Variants in CNBD1 observed in about 807,000 individuals in gnomAD.
CNBD1 encodes the protein cyclic nucleotide-binding domain-containing protein 1.
A neutral mutation model predicts 54.4 loss-of-function variants in CNBD1; 71 were observed. The observed-to-expected ratio is 1.30, with a 90% CI of 1.08 to 1.59. The LOEUF is 1.59. CNBD1 is among the 40% of genes most tolerant of loss of function. The probability of loss-of-function intolerance (pLI) is 0.00; values close to 1 mark genes in which losing one functional copy is unlikely to be tolerated. For missense variants in CNBD1, 659 were observed against 518.0 expected (o/e 1.27, Z -2.64); for synonymous variants, 182 against 170.7 (o/e 1.07, Z -0.51).
chr8:87,360,524 G>T lies in CNBD1; in HGVS notation c.1303+6738G>T, dbSNP rs1049336313. Among the ~76,000 whole-genome samples the T allele has an allele frequency of 2.6e-5, 4 of 151,820 alleles. No individual in the cohort carries two copies. The East Asian group carries it at 7.7e-4, about 29-fold the overall frequency. ...ATTTTTATAAAGTCAATATATCTTT[G>T]TCCAGATGCAGAGCTTATTACTCAA... On this transcript the variant is annotated intron_variant, in intron 10 of 10. Transcript: ENST00000518476.
chr8:87,254,879 G>A (rs149018653), intron 6 of CNBD1, among the ~76,000 whole-genome samples: 430 of 152,222 alleles, frequency 2.8e-3, no homozygotes, highest in African/African-American at 9.6e-3. Context: ...GAATGTCATT[G>A]AAATATTTAG....
intron 4 of CNBD1, among the ~76,000 whole-genome samples, chr8:87,183,832 C>T (rs1480351722): frequency 6.6e-6 from 1 of 152,202 alleles, no homozygotes; most frequent in Non-Finnish European, 1.5e-5. Flanking sequence ...GGGCTGTATG[C>T]TCTAACCCTG....
In CNBD1 at chr8:87,415,181, A is replaced by G. The variant is rs1032230415; in HGVS notation, c.214-13365A>G. On this transcript the variant is annotated intron_variant, in intron 2 of 7. Coordinates refer to the CNBD1 transcript ENST00000521593. ...CACCTGCTTTAGTGTATGTGGCATT[A>G]GTTTTCCCTGTAGTCGTTGTTCTCT... Among the ~76,000 whole-genome samples the G allele has an allele frequency of 2.0e-5, 3 of 152,102 alleles. 1 individual carries two copies. The South Asian group carries it at 6.2e-4, about 31-fold the overall frequency.
At chr8:87,347,852 C>A (rs1381333000) in intron 8 of CNBD1, among the ~76,000 whole-genome samples, 1 of 152,124 alleles carries the variant, frequency 6.6e-6, no homozygotes, top group East Asian at 1.9e-4. Context: ...TATTGCCCTT[C>A]TTCACCTTCC....
intron 8 of CNBD1, among the ~76,000 whole-genome samples, chr8:87,320,508 A>T (rs937544892): frequency 6.6e-6 from 1 of 152,006 alleles, no homozygotes; most frequent in Non-Finnish European, 1.5e-5. Flanking sequence ...TTTTGCCACG[A>T]GTTAAAATTA....
intron 5 of CNBD1, 21 bp downstream of exon 5, chr8:87,206,159 A>G (rs1157183596): frequency 2.7e-6 from 4 of 1,498,208 alleles, no homozygotes; most frequent in Non-Finnish European, 3.6e-6. Context: ...AATGTGGGAT[A>G]AATTTGGCGA....
At chr8:87,005,585 A>G (rs1390194151) in intron 4 of CNBD1, among the ~76,000 whole-genome samples, 1 of 151,918 alleles carries the variant, frequency 6.6e-6, no homozygotes, top group Admixed American at 6.6e-5. Context: ...ATTAAGAAAT[A>G]TATATATTTC....
In CNBD1 at chr8:86,939,729, G is replaced by A; in HGVS notation, c.406G>A (p.Glu136Lys). 6.3e-7 allele frequency: 1 copy of A among 1,575,598 alleles called. No individual in the cohort carries two copies. The highest frequency in any genetic ancestry group is 8.6e-7 in the Non-Finnish European group (1 of 1,158,368). The change falls in exon 4 of 11, where the codon GAA becomes AAA. Residue 136 changes from glutamate (E) to lysine (K), a missense_variant. Glu to Lys is a moderately conservative substitution (Grantham distance 56). Transcript: ENST00000518476. ...AAAAAGAGCCACAGAGAAATTTGAA[G>A]AATTCCTAGCTATCTTAAAGAAATT... ...RPKRATEKFE[E>K]FLAILKKLPI...
rs1407161167 is a variant in CNBD1, at chr8:87,404,776, C to G, written c.214-23770C>G. 3.3e-5 allele frequency among the ~76,000 whole-genome samples: 5 copies of G among 152,100 alleles called. No individual in the cohort carries two copies. The South Asian group carries it at 1.0e-3, about 31-fold the overall frequency. On this transcript the variant is annotated intron_variant, in intron 2 of 7. Transcript: ENST00000521593. ...TAGCAAATAACTATCATTTAATTTACTATCCAGATCTTCTGCTACTAGTCA... is the reference window on the plus strand; with the variant it reads ...TAGCAAATAACTATCATTTAATTTAGTATCCAGATCTTCTGCTACTAGTCA...
At chr8:87,297,614 AT>A (rs1485720796) in intron 8 of CNBD1, among the ~76,000 whole-genome samples, 2 of 152,184 alleles carry the variant, frequency 1.3e-5, no homozygotes, top group Admixed American at 1.3e-4. Flanking sequence ...AACCATGTCA[AT>A]AAAGGTTTGT....
At chr8:87,406,767 C>T (rs146242162) in intron 2 of CNBD1, among the ~76,000 whole-genome samples, 1 of 152,134 alleles carries the variant, frequency 6.6e-6, no homozygotes, top group South Asian at 2.1e-4. Flanking sequence ...GGAAAGCCAC[C>T]GTGCCCGGCC....
Position 87,322,343 on chromosome 8 carries a change from G to A in CNBD1, c.1043-29342G>A, listed in dbSNP as rs891046074. On this transcript the variant is annotated intron_variant, in intron 8 of 10. Transcript: ENST00000518476. ...CAGTAATGGGATGGCTGGGTCAAATGGTATTTCTAGTTCTAGATCCCTGAG... is the reference window on the plus strand; with the variant it reads ...CAGTAATGGGATGGCTGGGTCAAATAGTATTTCTAGTTCTAGATCCCTGAG... Among the ~76,000 whole-genome samples the A allele has an allele frequency of 2.5e-5, 3 of 119,464 alleles. 1 individual carries two copies. Among genetic ancestry groups the A allele is most frequent in the Non-Finnish European group, 5.6e-5 (3 of 54,030 alleles). 78.4% of individuals were successfully genotyped at this position (119,464 alleles called of 152,430 possible).
chr8:87,119,140 C>T (rs971764736), intron 4 of CNBD1, among the ~76,000 whole-genome samples: 34 of 151,776 alleles, frequency 2.2e-4, no homozygotes, highest in East Asian at 2.1e-3. Flanking sequence ...AAAATGACAG[C>T]GGTATTTTGA....
chr8:87,258,030 A>T (rs189922067), intron 6 of CNBD1, among the ~76,000 whole-genome samples: 136 of 152,276 alleles, frequency 8.9e-4, no homozygotes, highest in Admixed American at 2.7e-3. Flanking sequence ...TAACCTGAAG[A>T]TTAAACATTA....
chr8:86,898,077 C>CT (rs1185710449), intron 2 of CNBD1, among the ~76,000 whole-genome samples: 1 of 152,026 alleles, frequency 6.6e-6, no homozygotes, highest in Non-Finnish European at 1.5e-5. Flanking sequence ...GGGCAGGTCT[C>CT]TAAGTCATGT....
intron 8 of CNBD1, among the ~76,000 whole-genome samples, chr8:87,300,117 G>A (rs1236837390): frequency 6.6e-6 from 1 of 152,072 alleles, no homozygotes; most frequent in African/African-American, 2.4e-5. Flanking sequence ...CCATAAGTCA[G>A]CATCACTTGC....
Position 86,919,020 on chromosome 8 carries a change from C to CT in CNBD1, c.272+13836dup, listed in dbSNP as rs768557448. On this transcript the variant is annotated intron_variant, in intron 3 of 10. Transcript: ENST00000518476. Reference sequence around the variant, plus strand: ...ATTTTCTGTTTCTGAAAATATCATGCTTTTTTTTTTAAAAAAAAAGAGAAA... The same window carrying CT: ...ATTTTCTGTTTCTGAAAATATCATGCTTTTTTTTTTTAAAAAAAAAGAGAAA... Among the ~76,000 whole-genome samples, 273 of 149,220 alleles carry CT rather than the reference C, an allele frequency of 1.8e-3. 1 individual carries two copies. Among genetic ancestry groups the CT allele is most frequent in the Admixed American group, 4.0e-3 (60 of 14,896 alleles).
intron 5 of CNBD1, among the ~76,000 whole-genome samples, chr8:87,224,354 T>C (rs1240777787): frequency 6.6e-6 from 1 of 151,316 alleles, no homozygotes; most frequent in Non-Finnish European, 1.5e-5. Context: ...TAGGTTTTCT[T>C]CTAGGGTTTT....
chr8:87,095,726 C>T (rs1021089681), intron 4 of CNBD1, among the ~76,000 whole-genome samples: 6 of 152,124 alleles, frequency 3.9e-5, no homozygotes, highest in African/African-American at 1.2e-4. Flanking sequence ...GGCACGATCT[C>T]GGCTCACTGA....
Sources: gnomAD v4.1 joint callset for allele counts (sites outside exome capture counted in the v4.1 genomes callset) on GRCh38, gnomAD v4.1.1 for gene constraint, MANE v1.5 for transcripts, NCBI Gene and HGNC (gene_info 2026-07-23, HGNC 2026-07-21) for gene names.